Variants in STX2 observed in about 807,000 individuals in gnomAD.
STX2 encodes the protein syntaxin-2.
In STX2, 27 loss-of-function variants were observed where a neutral mutation model predicts 40.6. The observed-to-expected ratio is 0.66, with a 90% CI of 0.49 to 0.92. The LOEUF is 0.92. Among genes scored for constraint, STX2 ranks in the 40% least tolerant of loss-of-function variants. The pLI is 0.00. For missense variants in STX2, 328 were observed against 366.1 expected (o/e 0.90, Z 0.85); for synonymous variants, 123 against 119.1 (o/e 1.03, Z -0.22).
chr12:130,834,550 T>A (rs1952692072), intron 1 of STX2, among the ~76,000 whole-genome samples: 1 of 152,164 alleles, frequency 6.6e-6, no homozygotes, highest in South Asian at 2.1e-4. Context: ...GATCAGTTAT[T>A]TCTTACAGTT....
chr12:130,822,442 A>G (rs1360269842), intron 2 of STX2, among the ~76,000 whole-genome samples: 1 of 152,088 alleles, frequency 6.6e-6, no homozygotes, highest in Non-Finnish European at 1.5e-5. Flanking sequence ...AATAATAATA[A>G]TAATACTCTT....
chr12:130,792,417 C>T (rs1379684923), intron 10 of STX2, among the ~76,000 whole-genome samples: 1 of 152,166 alleles, frequency 6.6e-6, no homozygotes, highest in Admixed American at 6.5e-5. Flanking sequence ...ATGAATTACA[C>T]ATATTTGTAA....
At chr12:130,804,812 T>A (rs1951367650) in intron 6 of STX2, among the ~76,000 whole-genome samples, 1 of 152,198 alleles carries the variant, frequency 6.6e-6, no homozygotes, top group Non-Finnish European at 1.5e-5. Flanking sequence ...GATACTTCAT[T>A]GCTTATAAGA....
At chr12:130,838,988 G>C in intron 1 of STX2, 82 bp downstream of exon 1, 3,896 of 260,290 alleles carry the variant, frequency 0.015, no homozygotes, top group Non-Finnish European at 0.02. Context: ...CCGGAGCCCC[G>C]CCCAAGACGC....
chr12:130,821,799 G>A lies in STX2; in HGVS notation c.106-11C>T, dbSNP rs758081316. ...TCTAATCTCCTCCACCTAGGAGAGAGAGAGAGTCATTACAGCATGGCAAAC... is the reference window on the plus strand; with the variant it reads ...TCTAATCTCCTCCACCTAGGAGAGAAAGAGAGTCATTACAGCATGGCAAAC... On this transcript the variant is annotated splice_polypyrimidine_tract_variant and intron_variant, in intron 2 of 10. Transcript: ENST00000392373. The A allele has an allele frequency of 6.4e-7, 1 of 1,553,114 alleles. No homozygotes were observed.
In STX2 at chr12:130,792,451, G is replaced by C. The variant is rs1475663388; in HGVS notation, c.*46-474C>G. Among the ~76,000 whole-genome samples the C allele has an allele frequency of 7.9e-5, 12 of 152,152 alleles. 1 individual carries two copies. The highest frequency in any genetic ancestry group is 1.6e-4 in the Non-Finnish European group (11 of 68,038). On this transcript the variant is annotated intron_variant, in intron 10 of 10. Coordinates refer to ENST00000392373, the MANE Select transcript of STX2 (RefSeq NM_194356.4). ...AAAACTTTAAACGAATTTCTTGTTG[G>C]CTGAAAAATCCTATTTTTTCTTTCT...
intron 3 of STX2, among the ~76,000 whole-genome samples, chr12:130,818,183 AAAATAT>A (rs1408771613): frequency 2.1e-3 from 42 of 20,340 alleles, no homozygotes; most frequent in African/African-American, 6.6e-3. Flanking sequence ...AAAAAAAAAA[AAAATAT>A]ATATATATAT....
At position 130,798,679 on chromosome 12, in the gene STX2, C is replaced by T. The variant is rs902828030; in HGVS notation, c.676-44G>A. The T allele has an allele frequency of 7.6e-6, 11 of 1,448,608 alleles. No individual in the cohort carries two copies. In the African/African-American group the frequency reaches 1.2e-4, roughly 15 times the overall value. The allele number at this position is 1,448,608 out of a possible 1,614,324, so 89.7% of individuals were successfully genotyped here. A position where few individuals can be genotyped will look rare whatever the true frequency, so the allele number is the denominator to read the frequency against. Reference sequence around the variant, plus strand: ...AAACTTAGAAGACATTTTCAAATGGCTTAATCATGTATCTTTAAGACAACC... The same window carrying T: ...AAACTTAGAAGACATTTTCAAATGGTTTAATCATGTATCTTTAAGACAACC... On this transcript the variant is annotated intron_variant, in intron 8 of 10. Coordinates refer to ENST00000392373, the MANE Select transcript of STX2 (RefSeq NM_194356.4).
intron 3 of STX2, among the ~76,000 whole-genome samples, chr12:130,820,211 C>T (rs1047748589): frequency 6.6e-5 from 10 of 152,120 alleles, no homozygotes; most frequent in African/African-American, 9.7e-5. Context: ...AAGGAAAAAA[C>T]GGTCACTATT....
chr12:130,795,979 TTGA>T lies in STX2; in HGVS notation c.*45+13_*45+15del. 6.3e-7 allele frequency: 1 copy of T among 1,592,096 alleles called. No individual in the cohort carries two copies. Among genetic ancestry groups the T allele is most frequent in the Non-Finnish European group, 8.5e-7 (1 of 1,171,076 alleles). ...TTGCAAAAGTTAATAAGTAAATTAGTTGATGAGTTACTTACTCCCACCCTGGCA... is the reference window on the plus strand; with the variant it reads ...TTGCAAAAGTTAATAAGTAAATTAGTTGAGTTACTTACTCCCACCCTGGCA... On this transcript the variant is annotated intron_variant, in intron 10 of 10. Coordinates refer to ENST00000392373, the MANE Select transcript of STX2 (RefSeq NM_194356.4).
intron 8 of STX2, among the ~76,000 whole-genome samples, chr12:130,799,393 G>C (rs151127128): frequency 9.7e-4 from 148 of 152,332 alleles, no homozygotes; most frequent in Middle Eastern, 3.4e-3. Context: ...TTAATGCAAT[G>C]CATTTGGTAT....
chr12:130,827,113 G>A (rs1357618630), intron 2 of STX2, 80 bp downstream of exon 2: 1 of 590,848 alleles, frequency 1.7e-6, no homozygotes, highest in Non-Finnish European at 2.9e-6. Flanking sequence ...GGAGAGGGAG[G>A]GAAGAAAGGA....
At chr12:130,813,538 G>A (rs12315373) in intron 3 of STX2, among the ~76,000 whole-genome samples, 9,662 of 152,226 alleles carry the variant, frequency 0.063, 406 homozygotes, top group Non-Finnish European at 0.092. Context: ...TGGGCCGGTC[G>A]CCCTGGCCTG....
In STX2 at chr12:130,808,655, C is replaced by T. The variant is rs1309619942; in HGVS notation, c.330G>A (p.Val110=). ...CCTGGGTTCTTCGTATCCGAAGATC[C>T]ACTGAAGTCCGGTTCCCACTCTCAT... is the stretch of plus-strand genomic sequence containing the variant. ...DQDESGNRTS[V]DLRIRRTQHS... The change falls in exon 5 of 11, where the codon GTG becomes GTA. Residue 110 remains valine (V), a synonymous_variant. Transcript: ENST00000392373. 2 of 1,613,632 alleles carry T rather than the reference C, an allele frequency of 1.2e-6. No homozygotes were observed. Among genetic ancestry groups the T allele is most frequent in the East Asian group, 4.5e-5 (2 of 44,862 alleles).
chr12:130,819,598 T>G (rs1952035084), intron 3 of STX2, among the ~76,000 whole-genome samples: 1 of 152,226 alleles, frequency 6.6e-6, no homozygotes, highest in Non-Finnish European at 1.5e-5. Flanking sequence ...CTGCTATGAC[T>G]TGGCAGCAAA....
chr12:130,818,091 G>A, intron 3 of STX2, among the ~76,000 whole-genome samples: 1 of 147,918 alleles, frequency 6.8e-6, no homozygotes. Flanking sequence ...TCTGAAGGGA[G>A]AAGGCCCCGT....
intron 3 of STX2, among the ~76,000 whole-genome samples, chr12:130,818,356 G>C (rs1951969119): frequency 6.9e-6 from 1 of 144,912 alleles, no homozygotes; most frequent in Admixed American, 6.8e-5. Flanking sequence ...TCGCCTGGTC[G>C]ACACAGGGAG....
chr12:130,829,180 G>A (rs1406543566), intron 1 of STX2, among the ~76,000 whole-genome samples: 1 of 152,160 alleles, frequency 6.6e-6, no homozygotes, highest in Non-Finnish European at 1.5e-5. Context: ...GCTAAGCGGT[G>A]CCGAACCAGT....
At chr12:130,827,135 GGGGA>G (rs1224545309) in intron 2 of STX2, 54 bp downstream of exon 2, 7 of 760,992 alleles carry the variant, frequency 9.2e-6, no homozygotes, top group African/African-American at 2.6e-5. Flanking sequence ...GGAGGGGTGG[GGGGA>G]GGGAGGGAGG....
Sources: gnomAD v4.1 joint callset for allele counts (sites outside exome capture counted in the v4.1 genomes callset) on GRCh38, gnomAD v4.1.1 for gene constraint, MANE v1.5 for transcripts, NCBI Gene and HGNC (gene_info 2026-07-23, HGNC 2026-07-21) for gene names.